USP38: variants seen among roughly 807,000 people sequenced by gnomAD.
USP38 encodes ubiquitin carboxyl-terminal hydrolase 38.
Under a neutral mutation model 94.3 loss-of-function variants are expected in USP38, and 49 were observed. That is an observed-to-expected ratio of 0.52 (90% CI 0.41 to 0.66). The LOEUF (loss-of-function observed/expected upper bound fraction) is 0.66, where lower values mean the gene tolerates loss of function less well. Among genes scored for constraint, USP38 ranks in the 30% least tolerant of loss-of-function variants. USP38 has a pLI of 0.00. For synonymous variants in USP38, 468 were observed against 463.6 expected, an observed-to-expected ratio of 1.01 and a Z score of -0.12; for missense variants, 1,128 against 1,229.4, an observed-to-expected ratio of 0.92 and a Z score of 1.23.
intron 3 of USP38, among the ~76,000 whole-genome samples, chr4:143,197,404 A>C (rs1015432097): frequency 6.6e-6 from 1 of 151,994 alleles, no homozygotes; most frequent in African/African-American, 2.4e-5. Context: ...TATTGTTTCT[A>C]CCTGCCCTCT....
In USP38 at chr4:143,213,791, T is replaced by C. The variant is rs748225773; in HGVS notation, c.1815T>C (p.Ser605=). ...RTHIRCLNCR[S]TSQKVEAFTD... ...ACATACGTTGTTTGAACTGCAGGAG[T>C]ACCTCACAAAAAGTGGAAGCCTTTA... is the stretch of plus-strand genomic sequence containing the variant. The change falls in exon 9 of 10, where the codon AGT becomes AGC. Residue 605 remains serine, a synonymous_variant. Transcript: ENST00000307017. 1.2e-6 allele frequency: 2 copies of C among 1,613,700 alleles called. No individual in the cohort carries two copies. The highest frequency in any genetic ancestry group is 1.7e-6 in the Non-Finnish European group (2 of 1,179,820).
intron 9 of USP38, among the ~76,000 whole-genome samples, chr4:143,216,667 T>G (rs1052518397): frequency 1.3e-5 from 2 of 151,956 alleles, no homozygotes; most frequent in African/African-American, 4.8e-5. Context: ...TTTTAAAGAT[T>G]GTCTTGCTAT....
chr4:143,209,587 T>A lies in USP38; in HGVS notation c.1427T>A (p.Leu476Ter). The change falls in exon 7 of 10, where the codon TTA becomes TAA. Residue 476 changes from leucine (L) to a stop codon, truncating the protein, a stop_gained. Coordinates refer to ENST00000307017, the MANE Select transcript of USP38 (RefSeq NM_032557.6). LOFTEE classifies it high-confidence loss of function. The stretch of plus-strand genomic sequence containing the variant: ...AGTTTCAGGAGACAAGTATTATCTT[T>A]AAATCTAAATGGGTGCAATTCATTA... ...ATDFRRQVLS[L>*]NLNGCNSLMK... is the part of the protein sequence containing the mutation. The A allele has an allele frequency of 6.2e-7, 1 of 1,602,254 alleles. No individual in the cohort carries two copies. The highest frequency in any genetic ancestry group is 8.5e-7 in the Non-Finnish European group (1 of 1,170,394).
At chr4:143,219,724 C>G (rs998083241) in intron 9 of USP38, among the ~76,000 whole-genome samples, 1 of 151,972 alleles carries the variant, frequency 6.6e-6, no homozygotes, top group Admixed American at 6.6e-5. Flanking sequence ...CATATTTGCT[C>G]CCTTTGAAGC....
intron 1 of USP38, 91 bp downstream of exon 1, chr4:143,186,223 C>A: frequency 7.4e-7 from 1 of 1,349,512 alleles, no homozygotes; most frequent in South Asian, 1.4e-5. Flanking sequence ...TCCTCCTGCC[C>A]TAAAAACATT....
intron 2 of USP38, among the ~76,000 whole-genome samples, chr4:143,193,216 G>T (rs1440144766): frequency 1.6e-4 from 24 of 148,464 alleles, no homozygotes; most frequent in African/African-American, 4.2e-4. Context: ...AACTGCAGTG[G>T]TTTTTTTTTT....
intron 8 of USP38, among the ~76,000 whole-genome samples, chr4:143,212,704 G>A (rs11933603): frequency 0.6 from 90,606 of 151,824 alleles, 27,211 homozygotes; most frequent in East Asian, 0.82. Flanking sequence ...TTCCAACAGC[G>A]TAACTGTGTG....
rs1731180742 is a variant in USP38 at position 143,185,351 on chromosome 4, C to T, written c.-100C>T. The T allele has an allele frequency of 7.5e-7, 1 of 1,328,304 alleles. No homozygotes were observed. The highest frequency in any genetic ancestry group is 2.7e-5 in the Admixed American group (1 of 37,604). The allele number at this position is 1,328,304 out of a possible 1,614,324, so 82.3% of individuals were successfully genotyped here. On this transcript the variant is annotated 5_prime_UTR_variant, in exon 1 of 10. Coordinates refer to ENST00000307017, the MANE Select transcript of USP38 (RefSeq NM_032557.6). ...GTGGCCCGTCGCGCTGCTGCTGCGG[C>T]GCTCCAAGTTCATCTCCGCCCCGGG...
In USP38 at chr4:143,187,412, G is replaced by A. The variant is rs993111524; in HGVS notation, c.683-414G>A. ...ATTTTTTCAAAATCTTCCTTAGAGGGATGTAATGATCAATAAGTTTAAAGT... is the reference window on the plus strand; with the variant it reads ...ATTTTTTCAAAATCTTCCTTAGAGGAATGTAATGATCAATAAGTTTAAAGT... On this transcript the variant is annotated intron_variant, in intron 1 of 9. Transcript: ENST00000307017. Among the ~76,000 whole-genome samples the A allele has an allele frequency of 3.9e-5, 6 of 151,988 alleles. No individual in the cohort carries two copies. The South Asian group carries it at 1.0e-3, about 26-fold the overall frequency.
chr4:143,212,481 C>A, intron 8 of USP38, 57 bp downstream of exon 8: 4 of 1,165,752 alleles, frequency 3.4e-6, no homozygotes, highest in South Asian at 1.6e-5. Flanking sequence ...CAGTTTAATT[C>A]TACTTAATAT....
chr4:143,216,202 G>C (rs1732177661), intron 9 of USP38, among the ~76,000 whole-genome samples: 1 of 152,064 alleles, frequency 6.6e-6, no homozygotes, highest in African/African-American at 2.4e-5. Context: ...TACAATATTT[G>C]AGCATGAGGA....
In USP38 at chr4:143,220,533, A is replaced by G. The variant is rs1204582369; in HGVS notation, c.*77A>G. 1.5e-6 allele frequency: 2 copies of G among 1,356,590 alleles called. No homozygotes were observed. Among genetic ancestry groups the G allele is most frequent in the Non-Finnish European group, 1.9e-6 (2 of 1,033,046 alleles). 84.0% of individuals were successfully genotyped at this position (1,356,590 alleles called of 1,614,324 possible). Reference sequence around the variant, plus strand: ...GTTAAAATGTCAGACTATAACAAATATCTATCTTTTATTTTTCATTAGACC... The same window carrying G: ...GTTAAAATGTCAGACTATAACAAATGTCTATCTTTTATTTTTCATTAGACC... On this transcript the variant is annotated 3_prime_UTR_variant, in exon 10 of 10. Coordinates refer to ENST00000307017, the MANE Select transcript of USP38 (RefSeq NM_032557.6).
rs1007539172 is a variant in USP38 at position 143,220,278 on chromosome 4, G to T, written c.2968-17G>T. On this transcript the variant is annotated splice_polypyrimidine_tract_variant and intron_variant, in intron 9 of 9. Transcript: ENST00000307017. ...TATTTAGCATTTTAATTTCATAAAA[G>T]TTATTTTTAATTTTAGGAACAAGAG... 4 of 1,598,016 alleles carry T rather than the reference G, an allele frequency of 2.5e-6. No individual in the cohort carries two copies. The highest frequency in any genetic ancestry group is 1.1e-5 in the South Asian group (1 of 89,218).
rs1732324599 is a variant in USP38 at position 143,221,606 on chromosome 4, C to T, written c.*1150C>T. On this transcript the variant is annotated 3_prime_UTR_variant, in exon 10 of 10. Transcript: ENST00000307017. ...TAAAATGCCAAACCCTACCTTCCTA[C>T]ACTTTTTCTTTTGCCAGGAAACTGG... is the stretch of plus-strand genomic sequence containing the variant. 1.3e-5 allele frequency: 2 copies of T among 152,218 alleles called. No homozygotes were observed. Among genetic ancestry groups the T allele is most frequent in the African/African-American group, 4.8e-5 (2 of 41,438 alleles). The allele number at this position is 152,218 out of a possible 1,614,324, so 9.4% of individuals were successfully genotyped here.
At position 143,214,334 on chromosome 4, in the gene USP38, G is replaced by T; in HGVS notation, c.2358G>T (p.Leu786=). 1 of 1,613,288 alleles carries T rather than the reference G, an allele frequency of 6.2e-7. No homozygotes were observed. The highest frequency in any genetic ancestry group is 8.5e-7 in the Non-Finnish European group (1 of 1,179,742). The change falls in exon 9 of 10, where the codon CTG becomes CTT. Residue 786 remains leucine, a synonymous_variant. Transcript: ENST00000307017. ...VRRKILDNVS[L]PLVLELPVKR... is the part of the protein sequence containing the mutation. Reference sequence around the variant, plus strand: ...GGAAAATTTTAGACAATGTATCACTGCCACTGGTTTTGGAGTTGCCAGTTA... The same window carrying T: ...GGAAAATTTTAGACAATGTATCACTTCCACTGGTTTTGGAGTTGCCAGTTA...
chr4:143,217,867 G>A (rs796523525), intron 9 of USP38, among the ~76,000 whole-genome samples: 23 of 152,208 alleles, frequency 1.5e-4, no homozygotes, highest in African/African-American at 4.6e-4. Context: ...TGTGGATCTC[G>A]AAGTAAATTT....
At chr4:143,204,928 TTAAC>T (rs779355470) in intron 5 of USP38, among the ~76,000 whole-genome samples, 122 of 152,328 alleles carry the variant, frequency 8.0e-4, no homozygotes, top group Non-Finnish European at 1.5e-3. Context: ...TACTGTATCA[TTAAC>T]TAAATCAAAC....
At position 143,185,227 on chromosome 4, in the gene USP38, C is replaced by G. The variant is rs902246525; in HGVS notation, c.-224C>G. 9.6e-5 allele frequency: 50 copies of G among 519,952 alleles called. 1 individual carries two copies. In the South Asian group the frequency reaches 1.4e-3, roughly 15 times the overall value. 32.2% of individuals were successfully genotyped at this position (519,952 alleles called of 1,614,324 possible). The stretch of plus-strand genomic sequence containing the variant: ...GGCCTCTGGCGCCTTAGGCCAGCCG[C>G]AGGTGTCGGTTCTTAGGCTCTCCAG... On this transcript the variant is annotated 5_prime_UTR_variant, in exon 1 of 10. Coordinates refer to ENST00000307017, the MANE Select transcript of USP38 (RefSeq NM_032557.6).
intron 8 of USP38, 139 bp downstream of exon 8, chr4:143,212,563 A>G: frequency 1.9e-6 from 1 of 522,894 alleles, no homozygotes; most frequent in Non-Finnish European, 3.1e-6. Context: ...TATGTTTTTT[A>G]TATTTTCTTT....
Sources: allele counts gnomAD v4.1 joint callset (sites outside exome capture counted in the v4.1 genomes callset), GRCh38; gene constraint gnomAD v4.1.1; transcripts MANE v1.5; gene names NCBI Gene and HGNC (gene_info 2026-07-23, HGNC 2026-07-21).